MYO3B: variants seen among roughly 807,000 people sequenced by gnomAD.
The protein encoded by MYO3B is myosin IIIB.
MYO3B carries 156 observed loss-of-function variants against 174.6 expected under a neutral mutation model. The observed-to-expected ratio is 0.89, with a 90% CI of 0.78 to 1.02. The LOEUF (loss-of-function observed/expected upper bound fraction) is 1.02. Among genes scored for constraint, MYO3B ranks in the 50% least tolerant of loss-of-function variants. MYO3B has a pLI of 0.00. For missense variants in MYO3B, 1,632 were observed against 1,639.4 expected (o/e 1.00, Z 0.08); for synonymous variants, 563 against 569.1 (o/e 0.99, Z 0.15).
At chr2:170,444,161 C>A in intron 23 of MYO3B, 115 bp downstream of exon 23, 2 of 777,030 alleles carry the variant, frequency 2.6e-6, no homozygotes, top group Non-Finnish European at 4.2e-6. Context: ...CCTGGGCAGT[C>A]TAGTAGAGAG....
At chr2:170,389,932 C>T (rs200234603) in intron 14 of MYO3B, among the ~76,000 whole-genome samples, 2 of 152,160 alleles carry the variant, frequency 1.3e-5, no homozygotes, top group East Asian at 3.9e-4. Context: ...ACCTGGACCC[C>T]CTCACTGGTT....
chr2:170,279,742 T>C (rs2093492919), intron 7 of MYO3B, among the ~76,000 whole-genome samples: 1 of 152,212 alleles, frequency 6.6e-6, no homozygotes, highest in Non-Finnish European at 1.5e-5. Context: ...CCTGTGTTAG[T>C]TTGCTAGAAT....
intron 32 of MYO3B, among the ~76,000 whole-genome samples, chr2:170,631,818 C>T (rs945257247): frequency 1.6e-4 from 25 of 151,632 alleles, no homozygotes; most frequent in South Asian, 4.2e-4. Context: ...ACCAAGCAAA[C>T]GGAAAACAAA....
intron 32 of MYO3B, among the ~76,000 whole-genome samples, chr2:170,568,226 T>A (rs1692201283): frequency 6.6e-6 from 1 of 152,366 alleles, no homozygotes; most frequent in African/African-American, 2.4e-5. Context: ...TGTAAAGTTA[T>A]CTTATGTCTA....
intron 22 of MYO3B, among the ~76,000 whole-genome samples, chr2:170,439,422 T>C (rs1179913131): frequency 1.3e-5 from 2 of 152,088 alleles, no homozygotes; most frequent in African/African-American, 2.4e-5. Context: ...TTTTTACTAT[T>C]GAGTTGTAGG....
At chr2:170,632,263 C>T (rs929013003) in intron 32 of MYO3B, among the ~76,000 whole-genome samples, 3 of 152,146 alleles carry the variant, frequency 2.0e-5, no homozygotes, top group African/African-American at 7.2e-5. Flanking sequence ...TGTAAAACAA[C>T]AGAAATCATA....
chr2:170,367,051 C>T (rs537181928), intron 8 of MYO3B, among the ~76,000 whole-genome samples: 1 of 152,312 alleles, frequency 6.6e-6, no homozygotes, highest in East Asian at 1.9e-4. Flanking sequence ...AGCTCACTTT[C>T]CCCTTCACAT....
chr2:170,595,115 C>CT (rs1694060943), intron 32 of MYO3B, among the ~76,000 whole-genome samples: 1 of 151,966 alleles, frequency 6.6e-6, no homozygotes, highest in African/African-American at 2.4e-5. Flanking sequence ...AGTTACTTAC[C>CT]CCCCCACAAA....
At chr2:170,281,729 A>G (rs2093512504) in intron 7 of MYO3B, among the ~76,000 whole-genome samples, 1 of 152,134 alleles carries the variant, frequency 6.6e-6, no homozygotes, top group Non-Finnish European at 1.5e-5. Flanking sequence ...CAGAAGCTGA[A>G]CTGAAGGAAA....
At chr2:170,318,525 A>G (rs944489344) in intron 7 of MYO3B, among the ~76,000 whole-genome samples, 1 of 152,158 alleles carries the variant, frequency 6.6e-6, no homozygotes, top group Non-Finnish European at 1.5e-5. Context: ...GGAAGCTAGG[A>G]TGCTGATGTG....
chr2:170,259,565 G>C (rs1292486982), intron 7 of MYO3B, among the ~76,000 whole-genome samples: 2 of 152,090 alleles, frequency 1.3e-5, no homozygotes, highest in African/African-American at 4.8e-5. Context: ...ACTCAGGATG[G>C]ATTAAAAACT....
intron 7 of MYO3B, among the ~76,000 whole-genome samples, chr2:170,262,237 G>C (rs2093350918): frequency 6.6e-6 from 1 of 152,240 alleles, no homozygotes; most frequent in South Asian, 2.1e-4. Context: ...CAGAACGTTA[G>C]TGAGAACATT....
chr2:170,460,422 A>G (rs1168292459), intron 23 of MYO3B, among the ~76,000 whole-genome samples: 2 of 127,172 alleles, frequency 1.6e-5, no homozygotes, highest in Non-Finnish European at 1.6e-5. Context: ...CAGGAGGCAG[A>G]GGTTGCAGTG....
chr2:170,242,948 G>T (rs926054399), intron 7 of MYO3B, among the ~76,000 whole-genome samples: 2 of 152,148 alleles, frequency 1.3e-5, no homozygotes, highest in African/African-American at 4.8e-5. Context: ...GCCTTTATGG[G>T]TTGGCATAAT....
intron 32 of MYO3B, among the ~76,000 whole-genome samples, chr2:170,648,633 T>TATATATATTATATTCTATAGA (rs1698560596): frequency 3.3e-5 from 2 of 60,324 alleles, no homozygotes; most frequent in East Asian, 5.6e-4. Context: ...AAAAAATATG[T>TATATATATTATATTCTATAGA]ATATATATTA....
intron 9 of MYO3B, among the ~76,000 whole-genome samples, chr2:170,370,947 G>A (rs1056606409): frequency 2.3e-4 from 34 of 150,144 alleles, no homozygotes; most frequent in African/African-American, 7.6e-4. Flanking sequence ...GGCCAGGTGC[G>A]GTGGCTCACG....
chr2:170,304,462 C>T (rs1440765807), intron 7 of MYO3B, among the ~76,000 whole-genome samples: 30 of 143,022 alleles, frequency 2.1e-4, no homozygotes, highest in African/African-American at 1.3e-4. Flanking sequence ...TTTCTTTTTT[C>T]TTTTTCTTTT....
At chr2:170,316,661 T>C (rs2093777809) in intron 7 of MYO3B, among the ~76,000 whole-genome samples, 1 of 152,202 alleles carries the variant, frequency 6.6e-6, no homozygotes, top group Non-Finnish European at 1.5e-5. Context: ...CATTTGATGG[T>C]CATGAGACTA....
intron 7 of MYO3B, among the ~76,000 whole-genome samples, chr2:170,254,441 G>A (rs955632809): frequency 6.6e-6 from 1 of 152,152 alleles, no homozygotes; most frequent in Admixed American, 6.5e-5. Flanking sequence ...TCGGGGGGGC[G>A]CATCTGATCT....
Sources: gnomAD v4.1 joint callset for allele counts (sites outside exome capture counted in the v4.1 genomes callset) on GRCh38, gnomAD v4.1.1 for gene constraint, MANE v1.5 for transcripts, NCBI Gene and HGNC (gene_info 2026-07-23, HGNC 2026-07-21) for gene names.